The following ORC3 variants were observed in gnomAD, a reference collection of about 807,000 sequenced individuals.
ORC3 encodes the protein origin recognition complex subunit 3.
ORC3 carries 78 observed loss-of-function variants against 100.7 expected under a neutral mutation model. The observed-to-expected ratio is 0.77, with a 90% CI of 0.65 to 0.94. The LOEUF is 0.94. Among genes scored for constraint, ORC3 ranks in the 40% least tolerant of loss-of-function variants. ORC3 has a pLI of 0.00. For synonymous variants in ORC3, 295 were observed against 289.3 expected (o/e 1.02, Z -0.20); for missense variants, 789 against 823.9 (o/e 0.96, Z 0.52).
chr6:87,606,172 G>A, intron 5 of ORC3, 151 bp downstream of exon 5: 1 of 542,766 alleles, frequency 1.8e-6, no homozygotes, highest in Non-Finnish European at 3.3e-6. Flanking sequence ...GGCTCTCAGA[G>A]TAATTGTGAC....
At chr6:87,623,642 A>G (rs1206444446) in intron 11 of ORC3, among the ~76,000 whole-genome samples, 2 of 151,604 alleles carry the variant, frequency 1.3e-5, no homozygotes, top group African/African-American at 4.8e-5. Flanking sequence ...CCAGCACTCT[A>G]TGAGGCCTGG....
intron 13 of ORC3, among the ~76,000 whole-genome samples, chr6:87,638,082 A>C (rs1583107095): frequency 6.6e-6 from 1 of 152,220 alleles, no homozygotes; most frequent in Non-Finnish European, 1.5e-5. Flanking sequence ...AAGATCTAAA[A>C]TATGGATTTG....
At position 87,618,265 on chromosome 6, in the gene ORC3, C is replaced by G. The variant is rs533131816; in HGVS notation, c.987+1838C>G. On this transcript the variant is annotated intron_variant, in intron 9 of 19. Transcript: ENST00000392844. ...CTCTACTAAAAATACAAAAAATTAG[C>G]CAGGCATGGTGGCGCATGCCTCTAA... Among the ~76,000 whole-genome samples the G allele has an allele frequency of 1.8e-4, 28 of 152,258 alleles. No homozygotes were observed. The South Asian group carries it at 5.0e-3, about 27-fold the overall frequency.
intron 8 of ORC3, among the ~76,000 whole-genome samples, chr6:87,615,602 G>A (rs1769479961): frequency 6.6e-6 from 1 of 152,158 alleles, no homozygotes; most frequent in African/African-American, 2.4e-5. Context: ...GGCTGAGGTG[G>A]GAGAATCACT....
the ORC3 span, chr6:87,675,390 G>C: frequency 1.6e-6 from 1 of 621,830 alleles, no homozygotes; most frequent in African/African-American, 1.8e-5. Flanking sequence ...TATTAATACA[G>C]GTAGCAAAGG....
chr6:87,606,506 T>A lies in ORC3; in HGVS notation c.427+485T>A, dbSNP rs553326037. 6.6e-5 allele frequency among the ~76,000 whole-genome samples: 10 copies of A among 151,768 alleles called. No homozygotes were observed. In the East Asian group the frequency reaches 9.7e-4, roughly 15 times the overall value. Reference sequence around the variant, plus strand: ...TGTGAACCCATGAAATCATAAAGAGTGTTCACACTAATATATTAAAAAGCT... The same window carrying A: ...TGTGAACCCATGAAATCATAAAGAGAGTTCACACTAATATATTAAAAAGCT... On this transcript the variant is annotated intron_variant, in intron 5 of 19. Coordinates refer to ENST00000392844, the MANE Select transcript of ORC3 (RefSeq NM_012381.4).
At chr6:87,674,472 T>C in the ORC3 span, among the ~76,000 whole-genome samples, 2 of 151,642 alleles carry the variant, frequency 1.3e-5, no homozygotes, top group Non-Finnish European at 2.9e-5. Flanking sequence ...CTAGAAACCA[T>C]GTATGGAAAG....
downstream of ORC3, among the ~76,000 whole-genome samples, chr6:87,672,169 G>A (rs915395649): frequency 1.3e-5 from 2 of 152,068 alleles, no homozygotes; most frequent in African/African-American, 2.4e-5. Context: ...AAGTGGGAAA[G>A]TCAACTTTTC....
intron 13 of ORC3, among the ~76,000 whole-genome samples, chr6:87,637,360 A>G (rs1054604175): frequency 2.0e-5 from 3 of 152,234 alleles, no homozygotes; most frequent in Non-Finnish European, 4.4e-5. Flanking sequence ...AGCTTAAGAT[A>G]GAAAATGAAT....
intron 13 of ORC3, among the ~76,000 whole-genome samples, chr6:87,643,372 T>C (rs1768432245): frequency 6.7e-6 from 1 of 149,870 alleles, no homozygotes; most frequent in African/African-American, 2.5e-5. Flanking sequence ...ACCCAGGAAC[T>C]ATACTTTGAC....
intron 13 of ORC3, among the ~76,000 whole-genome samples, chr6:87,645,987 T>TC (rs1300497391): frequency 4.1e-5 from 6 of 144,774 alleles, no homozygotes; most frequent in Admixed American, 1.4e-4. Context: ...TTTTTTTCTT[T>TC]TTTTTTTCTT....
chr6:87,646,982 A>T (rs1000122511), intron 13 of ORC3, among the ~76,000 whole-genome samples: 10 of 152,174 alleles, frequency 6.6e-5, no homozygotes, highest in Non-Finnish European at 1.5e-4. Context: ...CTCTGCCTTC[A>T]TAATTTATCC....
chr6:87,626,484 A>T (rs1244402017), intron 11 of ORC3, among the ~76,000 whole-genome samples: 1 of 152,046 alleles, frequency 6.6e-6, no homozygotes, highest in Non-Finnish European at 1.5e-5. Context: ...CAATTTTCTT[A>T]TATAGAAAGT....
chr6:87,651,339 G>A (rs1056431842), intron 13 of ORC3: 2 of 455,428 alleles, frequency 4.4e-6, no homozygotes, highest in Admixed American at 4.7e-5. Context: ...GTCAGTGCCG[G>A]TGATTCCTTG....
chr6:87,603,930 T>C (rs1778154999), intron 4 of ORC3, among the ~76,000 whole-genome samples: 1 of 152,236 alleles, frequency 6.6e-6, no homozygotes, highest in South Asian at 2.1e-4. Flanking sequence ...TCTATGACCT[T>C]AATTTTATTT....
the ORC3 span, among the ~76,000 whole-genome samples, chr6:87,674,016 T>A: frequency 1.3e-5 from 2 of 151,282 alleles, no homozygotes; most frequent in African/African-American, 4.9e-5. Context: ...AAGCTAAAAA[T>A]AAAAGAGGTC....
chr6:87,663,449 TAAAAG>T (rs911714155), intron 17 of ORC3, among the ~76,000 whole-genome samples: 9 of 152,140 alleles, frequency 5.9e-5, no homozygotes, highest in East Asian at 3.9e-4. Flanking sequence ...CTTGTGAAAA[TAAAAG>T]AAATGTTTCC....
rs1308731937 is a variant in ORC3, at chr6:87,659,029, G to GC, written c.1691+1011_1691+1012insC. Among the ~76,000 whole-genome samples, 913 of 132,978 alleles carry GC rather than the reference G, an allele frequency of 6.9e-3. 24 individuals carry two copies. Among genetic ancestry groups the GC allele is most frequent in the African/African-American group, 0.025 (865 of 34,432 alleles). 87.2% of individuals were successfully genotyped at this position (132,978 alleles called of 152,430 possible). A position where few individuals can be genotyped will look rare whatever the true frequency, so the allele number is the denominator to read the frequency against. On this transcript the variant is annotated intron_variant, in intron 16 of 19. Transcript: ENST00000392844. Reference sequence around the variant, plus strand: ...AATACCTAAAAAGTGGGGCGGGGGGGGGAGAACCTGTTATCATTGTTTATT... The same window carrying GC: ...AATACCTAAAAAGTGGGGCGGGGGGGCGGAGAACCTGTTATCATTGTTTATT...
chr6:87,662,337 C>T (rs2128295052), intron 16 of ORC3, among the ~76,000 whole-genome samples: 1 of 152,124 alleles, frequency 6.6e-6, no homozygotes, highest in East Asian at 1.9e-4. Flanking sequence ...AGGGCTGAGT[C>T]AGGAGACTCA....
Sources: gnomAD v4.1 joint callset for allele counts (sites outside exome capture counted in the v4.1 genomes callset) on GRCh38, gnomAD v4.1.1 for gene constraint, MANE v1.5 for transcripts, NCBI Gene and HGNC (gene_info 2026-07-23, HGNC 2026-07-21) for gene names.